SPTBN2: variants seen among roughly 807,000 people sequenced by gnomAD.
SPTBN2 encodes the protein spectrin beta chain, non-erythrocytic 2.
In SPTBN2, 107 loss-of-function variants were observed where a neutral mutation model predicts 284.2. That is an observed-to-expected ratio of 0.38 (90% CI 0.32 to 0.44). The LOEUF is 0.44. SPTBN2 is among the 20% of genes least tolerant of loss of function. The pLI, the probability that SPTBN2 is intolerant of heterozygous loss-of-function variation, is 1.00. For missense variants in SPTBN2, 2,569 were observed against 3,287.1 expected (o/e 0.78, Z 5.34); for synonymous variants, 1,289 against 1,354.8 (o/e 0.95, Z 1.07).
upstream of SPTBN2, among the ~76,000 whole-genome samples, chr11:66,732,629 A>C (rs189278640): frequency 0.013 from 1,717 of 130,268 alleles, 14 homozygotes; most frequent in Non-Finnish European, 0.021. Flanking sequence ...CAGCCTGGGC[A>C]ACAGAGCAAG....
Position 66,690,146 on chromosome 11 carries a change from C to T in SPTBN2, c.5703G>A (p.Gln1901=). Reference sequence around the variant, plus strand: ...ACTTGTCTGTGGTGTCCAGCAGCAGCTGCCGGCGGGCGGCAGAGCTTCCCT... The same window carrying T: ...ACTTGTCTGTGGTGTCCAGCAGCAGTTGCCGGCGGGCGGCAGAGCTTCCCT... The part of the protein sequence containing the change: ...QLQGSSAARR[Q]LLLDTTDKFR... Residue 1901 remains glutamine, a synonymous_variant, in exon 28 of 38, where the codon CAG becomes CAA. Coordinates refer to ENST00000533211, the MANE Select transcript of SPTBN2 (RefSeq NM_006946.4). 7 of 1,614,230 alleles carry T rather than the reference C, an allele frequency of 4.3e-6. No individual in the cohort carries two copies. The highest frequency in any genetic ancestry group is 5.9e-6 in the Non-Finnish European group (7 of 1,180,048).
In SPTBN2 at chr11:66,707,656, G is replaced by A. The variant is rs1474518395; in HGVS notation, c.1513C>T (p.Arg505Trp). 6 of 1,608,036 alleles carry A rather than the reference G, an allele frequency of 3.7e-6. No homozygotes were observed. Among genetic ancestry groups the A allele is most frequent in the East Asian group, 2.2e-5 (1 of 44,876 alleles). ...RYHDIKRIAA[R>W]QHNVARLWDF... The stretch of plus-strand genomic sequence containing the variant: ...CAGAGCCGTGCCACGTTGTGCTGCC[G>A]AGCGGCGATGCGCTTGATGTCGTGG... The change falls in exon 13 of 38, where the codon CGG (arginine) becomes TGG (tryptophan). Residue 505 changes from arginine (R) to tryptophan (W), a missense_variant. Transcript: ENST00000533211. The surrounding 1 kb of genome is among the most constrained non-coding windows in gnomAD (Gnocchi z 4.9).
intron 1 of SPTBN2, among the ~76,000 whole-genome samples, chr11:66,721,919 C>A (rs952364471): frequency 3.3e-5 from 5 of 151,738 alleles, no homozygotes; most frequent in Non-Finnish European, 1.5e-5. Context: ...TAGTGGCAGG[C>A]GCCTGTAATC....
At position 66,704,653 on chromosome 11, in the gene SPTBN2, G is replaced by A. The variant is rs906936058; in HGVS notation, c.2623C>T (p.Leu875Phe). ...CGTTCAGGCAGGGCCAGCCCGTTGA[G>A]CCACTGCTCCTTCTCCTCCACCCAG... is the stretch of plus-strand genomic sequence containing the variant. ...GLWVEEKEQW[L>F]NGLALPERLE... The change falls in exon 15 of 38, where the codon CTC (leucine) becomes TTC (phenylalanine). Residue 875 changes from leucine (L) to phenylalanine (F), a missense_variant. Around this residue, in one of 6 missense-constraint regions of SPTBN2, gnomAD observed 1,012 missense variants for 1,248.9 expected, o/e 0.81. Transcript: ENST00000533211. 2.5e-6 allele frequency: 4 copies of A among 1,612,146 alleles called. No individual in the cohort carries two copies. The highest frequency in any genetic ancestry group is 3.4e-6 in the Non-Finnish European group (4 of 1,179,628).
rs769985831 is a variant in SPTBN2, at chr11:66,691,242, C to A, written c.5565+42G>T. On this transcript the variant is annotated intron_variant, in intron 27 of 37. Coordinates refer to ENST00000533211, the MANE Select transcript of SPTBN2 (RefSeq NM_006946.4). This position sits in a 1 kb window ranked among gnomAD's most constrained non-coding sequence, Gnocchi z 8.0. ...ACTCTCCCCGGCATTTCCCCCATGG[C>A]CTCCTCTAAGCCTCCCCCACCTCCT... 1 of 1,504,098 alleles carries A rather than the reference C, an allele frequency of 6.6e-7. No individual in the cohort carries two copies. Among genetic ancestry groups the A allele is most frequent in the Non-Finnish European group, 8.9e-7 (1 of 1,125,758 alleles). 93.2% of individuals were successfully genotyped at this position (1,504,098 alleles called of 1,614,324 possible).
At position 66,700,727 on chromosome 11, in the gene SPTBN2, C is replaced by T; in HGVS notation, c.3372G>A (p.Leu1124=). The change falls in exon 17 of 38, where the codon CTG becomes CTA. Residue 1124 remains leucine, a synonymous_variant. Transcript: ENST00000533211. This position sits in a 1 kb window ranked among gnomAD's most constrained non-coding sequence, Gnocchi z 6.6. ...GGGTCACCTCCTCGCCCAGGGCTCGCAGCCGGCTATACTCGCTCTGGGCCC... is the reference window on the plus strand; with the variant it reads ...GGGTCACCTCCTCGCCCAGGGCTCGTAGCCGGCTATACTCGCTCTGGGCCC... The part of the protein sequence containing the change: ...VERAQSEYSR[L]RALGEEVTRD... 6.2e-7 allele frequency: 1 copy of T among 1,603,788 alleles called. No individual in the cohort carries two copies. The highest frequency in any genetic ancestry group is 1.1e-5 in the South Asian group (1 of 91,056).
rs889752794 is a variant in SPTBN2 at position 66,684,209 on chromosome 11, C to T, written c.*1662G>A. On this transcript the variant is annotated 3_prime_UTR_variant, in exon 38 of 38. Transcript: ENST00000533211. Reference sequence around the variant, plus strand: ...GAAACAATGAAAGAACACGCTTTTCCTGTTGGAGGCCACCAAGGAGTGCCC... The same window carrying T: ...GAAACAATGAAAGAACACGCTTTTCTTGTTGGAGGCCACCAAGGAGTGCCC... Among the ~76,000 whole-genome samples the T allele has an allele frequency of 8.5e-5, 13 of 152,198 alleles. No homozygotes were observed.
At position 66,718,122 on chromosome 11, in the gene SPTBN2, C is replaced by T. The variant is rs1942227871; in HGVS notation, c.158-2141G>A. Among the ~76,000 whole-genome samples the T allele has an allele frequency of 6.6e-6, 1 of 152,194 alleles. No homozygotes were observed. The highest frequency in any genetic ancestry group is 6.5e-5 in the Admixed American group (1 of 15,282). ...CCTCAGAGGCACTGCTGGCGCCTCC[C>T]CAGGTGCTGGCACCCCCACGCCCTC... On this transcript the variant is annotated intron_variant, in intron 3 of 37. Coordinates refer to ENST00000533211, the MANE Select transcript of SPTBN2 (RefSeq NM_006946.4). This position sits in a 1 kb window ranked among gnomAD's most constrained non-coding sequence, Gnocchi z 4.8.
Position 66,683,431 on chromosome 11 carries a change from TTG to T in SPTBN2, c.*2438_*2439del, listed in dbSNP as rs1187412570. Among the ~76,000 whole-genome samples, 2 of 152,232 alleles carry T rather than the reference TTG, an allele frequency of 1.3e-5. No individual in the cohort carries two copies. The highest frequency in any genetic ancestry group is 4.8e-5 in the African/African-American group (2 of 41,462). On this transcript the variant is annotated 3_prime_UTR_variant, in exon 38 of 38. Transcript: ENST00000533211. ...TGTGCTGCCTGCATTTATTGTATTT[TTG>T]TGTCTAACTTGTCTCATAGCCCTCA...
chr11:66,687,922 C>T lies in SPTBN2; in HGVS notation c.6451-4G>A, dbSNP rs758532822. 2.5e-6 allele frequency: 4 copies of T among 1,614,172 alleles called. No homozygotes were observed. The highest frequency in any genetic ancestry group is 3.4e-6 in the Non-Finnish European group (4 of 1,180,036). On this transcript the variant is annotated splice_region_variant and splice_polypyrimidine_tract_variant and intron_variant, in intron 33 of 37. Transcript: ENST00000533211. This position sits in a 1 kb window ranked among gnomAD's most constrained non-coding sequence, Gnocchi z 5.2. ...GTCTCTGTTGTCCCAGCAGGGGCTG[C>T]AAGGACAAGAATCTGTAAAAGGATG...
chr11:66,740,654 G>A (rs1942889569), intron 1 of SPTBN2, among the ~76,000 whole-genome samples: 1 of 152,182 alleles, frequency 6.6e-6, no homozygotes, highest in Non-Finnish European at 1.5e-5. Context: ...ATGGGAACTG[G>A]TATGGGACAG....
At position 66,714,049 on chromosome 11, in the gene SPTBN2, G is replaced by A. The variant is rs372152081; in HGVS notation, c.656+42C>T. ...ACATGTGCACCCCAGGTCATTAGCC[G>A]ACCCAGCAGCTCTGCTGCGTTTGCT... is the stretch of plus-strand genomic sequence containing the variant. On this transcript the variant is annotated intron_variant, in intron 7 of 37. Transcript: ENST00000533211. The A allele has an allele frequency of 1.2e-5, 20 of 1,604,026 alleles. No homozygotes were observed. In the Middle Eastern group the frequency reaches 5.0e-4, roughly 40 times the overall value.
chr11:66,712,374 C>G (rs568982641), intron 8 of SPTBN2, among the ~76,000 whole-genome samples: 1 of 152,314 alleles, frequency 6.6e-6, no homozygotes, highest in Non-Finnish European at 1.5e-5. Flanking sequence ...TGGTGAAACC[C>G]TGTCTCTACT....
intron 1 of SPTBN2, among the ~76,000 whole-genome samples, chr11:66,725,800 C>G (rs117612543): frequency 2.6e-5 from 4 of 152,150 alleles, no homozygotes; most frequent in African/African-American, 7.2e-5. Context: ...CTCACCGTGC[C>G]GATCCTCCAG....
At chr11:66,720,415 T>C (rs978455530) in intron 3 of SPTBN2, among the ~76,000 whole-genome samples, 1 of 152,174 alleles carries the variant, frequency 6.6e-6, no homozygotes, top group African/African-American at 2.4e-5. Flanking sequence ...CGCACTCTTG[T>C]TGCCATGACA....
Position 66,693,727 on chromosome 11 carries a change from G to A in SPTBN2, c.4593+45C>T, listed in dbSNP as rs1486417672. The stretch of plus-strand genomic sequence containing the variant: ...TAAGAAAAAACACGTCCAAGTCTGG[G>A]CAGGCTCCTGGGAACTTCTCTTTTG... On this transcript the variant is annotated intron_variant, in intron 23 of 37. Transcript: ENST00000533211. This position sits in a 1 kb window ranked among gnomAD's most constrained non-coding sequence, Gnocchi z 5.7. 6.4e-7 allele frequency: 1 copy of A among 1,564,090 alleles called. No homozygotes were observed. The highest frequency in any genetic ancestry group is 1.8e-5 in the Admixed American group (1 of 54,750).
chr11:66,687,643 G>T lies in SPTBN2; in HGVS notation c.6506C>A (p.Pro2169His). The change falls in exon 35 of 38, where the codon CCT becomes CAT. Residue 2169 changes from proline (P) to histidine (H), a missense_variant. Transcript: ENST00000533211. The surrounding 1 kb of genome is among the most constrained non-coding windows in gnomAD (Gnocchi z 5.2). ...EHSSFPEGPG[P>H]GSGDEANGPR... ...CCCATTGGCTTCGTCCCCTGAGCCA[G>T]GTCCCTGGGGGGGAATCAGTGTCAG... 6.3e-7 allele frequency: 1 copy of T among 1,592,780 alleles called. No homozygotes were observed. The highest frequency in any genetic ancestry group is 8.5e-7 in the Non-Finnish European group (1 of 1,169,690).
At chr11:66,741,672 C>T (rs987171108) in intron 1 of SPTBN2, among the ~76,000 whole-genome samples, 1 of 152,186 alleles carries the variant, frequency 6.6e-6, no homozygotes, top group African/African-American at 2.4e-5. Context: ...GCCTAGTTAA[C>T]TAAGGTGACC....
At chr11:66,690,364 C>G (rs760076092) in intron 27 of SPTBN2, 81 bp from the exon 28 acceptor site, 1 of 1,455,550 alleles carries the variant, frequency 6.9e-7, no homozygotes, top group East Asian at 2.5e-5. Flanking sequence ...CTGCCACTCT[C>G]ACCTCCTGCC....
Sources: gnomAD v4.1 joint callset for allele counts (sites outside exome capture counted in the v4.1 genomes callset) on GRCh38, gnomAD v4.1.1 for gene constraint, gnomAD v4.1.1 regional missense constraint, Gnocchi (gnomAD v3.1) non-coding constraint, MANE v1.5 for transcripts, NCBI Gene and HGNC (gene_info 2026-07-23, HGNC 2026-07-21) for gene names.